FER: variants seen among roughly 807,000 people sequenced by gnomAD.
The protein encoded by FER is tyrosine-protein kinase Fer.
A neutral mutation model predicts 111.0 loss-of-function variants in FER; 63 were observed. The ratio of observed to expected loss-of-function variants is 0.57; its 90% CI spans 0.46 to 0.70. The LOEUF (loss-of-function observed/expected upper bound fraction) is 0.70, where lower values mean the gene tolerates loss of function less well. FER is among the 30% of genes least tolerant of loss of function. FER has a pLI of 0.00. For missense variants in FER, 914 were observed against 954.0 expected, an observed-to-expected ratio of 0.96 and a Z score of 0.55; for synonymous variants, 327 against 313.9, an observed-to-expected ratio of 1.04 and a Z score of -0.44.
In FER at chr5:109,100,017, A is replaced by G. The variant is rs531401671; in HGVS notation, c.1925-379A>G. On this transcript the variant is annotated intron_variant, in intron 16 of 19. Transcript: ENST00000281092. The stretch of plus-strand genomic sequence containing the variant: ...TTTATAATTTACTTTTTACATACTC[A>G]TATTTGACTCATAATAATATAGTTT... Among the ~76,000 whole-genome samples the G allele has an allele frequency of 3.9e-4, 59 of 151,856 alleles. 1 individual carries two copies. In the South Asian group the frequency reaches 0.011, roughly 29 times the overall value.
chr5:108,755,992 A>G (rs1226162043), intron 1 of FER, among the ~76,000 whole-genome samples: 2 of 150,380 alleles, frequency 1.3e-5, no homozygotes, highest in East Asian at 4.0e-4. Context: ...TCTTTACTAA[A>G]AAAATACAAA....
At chr5:108,845,472 G>A (rs1306536401) in intron 5 of FER, among the ~76,000 whole-genome samples, 4 of 152,008 alleles carry the variant, frequency 2.6e-5, no homozygotes, top group Non-Finnish European at 4.4e-5. Flanking sequence ...ATGAGCCACC[G>A]TGCCTGGCCT....
intron 6 of FER, among the ~76,000 whole-genome samples, chr5:108,870,433 T>C (rs1437101331): frequency 2.0e-5 from 3 of 152,168 alleles, no homozygotes; most frequent in Admixed American, 6.5e-5. Flanking sequence ...AGATACTGAC[T>C]AAATCTGTAT....
intron 8 of FER, among the ~76,000 whole-genome samples, chr5:108,879,680 AT>A (rs1400001073): frequency 6.9e-4 from 89 of 128,096 alleles, no homozygotes; most frequent in African/African-American, 2.6e-3. Context: ...CACCATATGT[AT>A]TTTTTTTAGA....
chr5:109,081,938 C>T (rs1324544096), intron 16 of FER, among the ~76,000 whole-genome samples: 2 of 151,926 alleles, frequency 1.3e-5, no homozygotes, highest in African/African-American at 4.8e-5. Flanking sequence ...CTCTGGATCC[C>T]TCTCCTACCC....
intron 3 of FER, among the ~76,000 whole-genome samples, chr5:108,802,088 C>T (rs965965142): frequency 2.6e-5 from 4 of 151,970 alleles, no homozygotes; most frequent in African/African-American, 7.3e-5. Context: ...TTTTGGATTA[C>T]GTGCAATCAA....
At chr5:109,065,476 C>T (rs900716947) in intron 16 of FER, among the ~76,000 whole-genome samples, 1 of 152,094 alleles carries the variant, frequency 6.6e-6, no homozygotes, top group Non-Finnish European at 1.5e-5. Context: ...TGTAAGTTAG[C>T]CTCTGTATTC....
At chr5:109,028,541 A>G (rs936835288) in intron 13 of FER, among the ~76,000 whole-genome samples, 1 of 152,190 alleles carries the variant, frequency 6.6e-6, no homozygotes, top group Non-Finnish European at 1.5e-5. Flanking sequence ...AGAGTCAGAC[A>G]TATATGGGTT....
chr5:108,809,853 A>G (rs556999813), intron 3 of FER, among the ~76,000 whole-genome samples: 45 of 152,186 alleles, frequency 3.0e-4, no homozygotes, highest in Admixed American at 5.2e-4. Flanking sequence ...GTGAGCCACC[A>G]TGCCAAGCCT....
intron 17 of FER, among the ~76,000 whole-genome samples, chr5:109,146,718 T>A (rs1464319703): frequency 1.3e-5 from 2 of 152,060 alleles, no homozygotes; most frequent in African/African-American, 2.4e-5. Flanking sequence ...TTTGAATGAT[T>A]TAAATATCCA....
intron 10 of FER, among the ~76,000 whole-genome samples, chr5:108,942,626 G>A (rs1262757499): frequency 6.6e-6 from 1 of 152,090 alleles, no homozygotes; most frequent in Non-Finnish European, 1.5e-5. Context: ...GGGAATAGAA[G>A]CTATCTATCT....
At chr5:108,917,257 T>G (rs1037498595) in intron 10 of FER, among the ~76,000 whole-genome samples, 1 of 152,186 alleles carries the variant, frequency 6.6e-6, no homozygotes. Context: ...TTGCTCATTA[T>G]AATTTTAAAA....
At position 109,190,472 on chromosome 5, in the gene FER, C is replaced by T. The variant is rs966825731; in HGVS notation, c.*2897C>T. 2 of 152,002 alleles carry T rather than the reference C, an allele frequency of 1.3e-5. No homozygotes were observed. The highest frequency in any genetic ancestry group is 2.4e-5 in the African/African-American group (1 of 41,372). The allele number at this position is 152,002 out of a possible 1,614,324, so 9.4% of individuals were successfully genotyped here. ...TGTGTCTCACTGGTCACTAAGGGGC[C>T]TTTATGAGACAGTTTAGGTTGTTCA... On this transcript the variant is annotated 3_prime_UTR_variant, in exon 20 of 20. Transcript: ENST00000281092.
chr5:109,047,395 A>G (rs112190951), intron 16 of FER, among the ~76,000 whole-genome samples, 197 bp downstream of exon 16: 4 of 152,190 alleles, frequency 2.6e-5, no homozygotes, highest in South Asian at 2.1e-4. Context: ...GAAAATGTCA[A>G]CTGCTTTTTT....
At chr5:108,855,350 C>G (rs1009194105) in intron 5 of FER, among the ~76,000 whole-genome samples, 2 of 151,708 alleles carry the variant, frequency 1.3e-5, no homozygotes, top group African/African-American at 4.8e-5. Context: ...TACAAAAGAC[C>G]GGCCGGGCGC....
intron 13 of FER, among the ~76,000 whole-genome samples, chr5:109,012,083 G>A (rs185789872): frequency 8.5e-5 from 13 of 152,210 alleles, no homozygotes; most frequent in South Asian, 8.3e-4. Context: ...CTCTGCATTC[G>A]CCGCACTCTT....
intron 9 of FER, among the ~76,000 whole-genome samples, chr5:108,893,782 G>T (rs367851101): frequency 6.6e-6 from 1 of 151,948 alleles, no homozygotes; most frequent in African/African-American, 2.4e-5. Context: ...GCTTGATCTT[G>T]GATGGTTCTA....
chr5:108,865,304 G>A (rs1763930242), intron 5 of FER, among the ~76,000 whole-genome samples: 1 of 152,112 alleles, frequency 6.6e-6, no homozygotes. Flanking sequence ...CTGCAAACAG[G>A]GACAATTTGA....
chr5:108,915,688 A>G (rs1752181446), intron 10 of FER, among the ~76,000 whole-genome samples: 1 of 151,510 alleles, frequency 6.6e-6, no homozygotes, highest in African/African-American at 2.4e-5. Flanking sequence ...TGCTAAGGCC[A>G]TTAAGGAAGA....
Sources: allele counts gnomAD v4.1 joint callset (sites outside exome capture counted in the v4.1 genomes callset), GRCh38; gene constraint gnomAD v4.1.1; transcripts MANE v1.5; gene names NCBI Gene and HGNC (gene_info 2026-07-23, HGNC 2026-07-21).